ZFAT: variants seen among roughly 807,000 people sequenced by gnomAD.
The protein encoded by ZFAT is zinc finger and AT-hook domain containing.
In ZFAT, 64 loss-of-function variants were observed where a neutral mutation model predicts 117.7. The ratio of observed to expected loss-of-function variants is 0.54; its 90% CI spans 0.44 to 0.67. ZFAT has a LOEUF of 0.67. Among genes scored for constraint, ZFAT ranks in the 30% least tolerant of loss-of-function variants. The pLI is 0.00. For synonymous variants in ZFAT, 679 were observed against 615.0 expected (o/e 1.10, Z -1.54); for missense variants, 1,433 against 1,584.5 (o/e 0.90, Z 1.62).
chr8:134,741,527 C>G, the ZFAT span, among the ~76,000 whole-genome samples: 1 of 152,194 alleles, frequency 6.6e-6, no homozygotes, highest in Non-Finnish European at 1.5e-5. Flanking sequence ...GTTGGCTTTG[C>G]CAGCCTCTTC....
intron 2 of ZFAT, among the ~76,000 whole-genome samples, chr8:134,638,074 T>C (rs537347553): frequency 3.1e-4 from 47 of 152,286 alleles, no homozygotes; most frequent in African/African-American, 1.1e-3. Context: ...TCTCAGAAAC[T>C]GCTTAGGGAC....
the ZFAT span, among the ~76,000 whole-genome samples, chr8:134,746,667 T>C: frequency 1.3e-5 from 2 of 152,200 alleles, no homozygotes; most frequent in Non-Finnish European, 2.9e-5. Flanking sequence ...TCCAATGCAG[T>C]GTCTTAGTTC....
intron 1 of ZFAT, 104 bp downstream of exon 1, chr8:134,712,741 C>CGGCCGGT: frequency 8.5e-7 from 1 of 1,170,494 alleles, no homozygotes. Flanking sequence ...CGGCGGCCGG[C>CGGCCGGT]GGCCGGCGCA....
At chr8:134,813,603 C>T in the ZFAT span, among the ~76,000 whole-genome samples, 426 of 152,164 alleles carry the variant, frequency 2.8e-3, no homozygotes, top group African/African-American at 9.6e-3. Flanking sequence ...TTAGTAGAGA[C>T]GGGGTTTCAC....
chr8:134,813,386 A>C, the ZFAT span, among the ~76,000 whole-genome samples: 7 of 152,252 alleles, frequency 4.6e-5, no homozygotes, highest in East Asian at 1.3e-3. Context: ...CAGATCACCT[A>C]CCACATTAGA....
intron 1 of ZFAT, among the ~76,000 whole-genome samples, chr8:134,668,549 G>T (rs981658008): frequency 1.3e-5 from 2 of 152,354 alleles, no homozygotes; most frequent in South Asian, 2.1e-4. Flanking sequence ...GGTCCTGACT[G>T]CTAGAAGGAA....
chr8:134,620,843 C>T (rs1248558681), intron 3 of ZFAT, among the ~76,000 whole-genome samples: 1 of 152,166 alleles, frequency 6.6e-6, no homozygotes, highest in Non-Finnish European at 1.5e-5. Context: ...TTAACAAACA[C>T]ATCCTAATGT....
intron 13 of ZFAT, among the ~76,000 whole-genome samples, chr8:134,520,244 GC>G (rs1381868874): frequency 6.6e-6 from 1 of 152,202 alleles, no homozygotes; most frequent in Non-Finnish European, 1.5e-5. Context: ...CAGCTAAACA[GC>G]CTGTAGGGCA....
the ZFAT span, among the ~76,000 whole-genome samples, chr8:134,789,109 T>C: frequency 6.6e-6 from 1 of 152,336 alleles, no homozygotes; most frequent in East Asian, 1.9e-4. Context: ...CCCTTTTCTA[T>C]TCTTGCCTTC....
At chr8:134,534,775 A>AGAGAG (rs1821706312) in intron 11 of ZFAT, among the ~76,000 whole-genome samples, 27 of 136,436 alleles carry the variant, frequency 2.0e-4, no homozygotes, top group African/African-American at 5.7e-4. Flanking sequence ...GAGAGGGAGA[A>AGAGAG]AGAGAGAGAG....
At chr8:134,737,310 AAAAAT>A in the ZFAT span, among the ~76,000 whole-genome samples, 3 of 122,754 alleles carry the variant, frequency 2.4e-5, no homozygotes, top group African/African-American at 9.6e-5. Context: ...ATAAAAATAA[AAAAAT>A]AAAAATGTAG....
chr8:134,491,166 T>A (rs1356096151), intron 15 of ZFAT, among the ~76,000 whole-genome samples: 2 of 152,254 alleles, frequency 1.3e-5, no homozygotes, highest in Non-Finnish European at 2.9e-5. Flanking sequence ...CTGTTTCACA[T>A]GTAAACACAG....
At chr8:134,600,124 T>TAA (rs1586787705) in intron 7 of ZFAT, 2 of 408,098 alleles carry the variant, frequency 4.9e-6, no homozygotes, top group East Asian at 1.1e-4. Flanking sequence ...AATTATTCTT[T>TAA]AAAATGTCAT....
intron 1 of ZFAT, among the ~76,000 whole-genome samples, chr8:134,696,774 C>T (rs1443431709): frequency 2.0e-5 from 3 of 152,224 alleles, no homozygotes; most frequent in African/African-American, 7.2e-5. Flanking sequence ...CAGCAGGGGT[C>T]CCTCCTAGGT....
At chr8:134,560,703 A>G (rs1334114119) in intron 11 of ZFAT, among the ~76,000 whole-genome samples, 1 of 152,236 alleles carries the variant, frequency 6.6e-6, no homozygotes, top group African/African-American at 2.4e-5. Context: ...GAATAGCTAG[A>G]TGGAAGGATT....
intron 11 of ZFAT, chr8:134,565,055 C>T: frequency 7.1e-7 from 1 of 1,410,208 alleles, no homozygotes; most frequent in Non-Finnish European, 9.4e-7. Flanking sequence ...CTCTAAATCA[C>T]TCCAGTGCTT....
At chr8:134,677,863 T>C (rs1314983260) in intron 1 of ZFAT, among the ~76,000 whole-genome samples, 1 of 152,166 alleles carries the variant, frequency 6.6e-6, no homozygotes, top group Non-Finnish European at 1.5e-5. Flanking sequence ...ATTATCTCAA[T>C]AGACGCTGAA....
At chr8:134,788,079 T>C in the ZFAT span, among the ~76,000 whole-genome samples, 1 of 152,202 alleles carries the variant, frequency 6.6e-6, no homozygotes, top group Admixed American at 6.5e-5. Flanking sequence ...ATCTCAAATA[T>C]GTTAAACAGT....
At chr8:134,530,658 G>A (rs921318810) in intron 12 of ZFAT, among the ~76,000 whole-genome samples, 1 of 152,020 alleles carries the variant, frequency 6.6e-6, no homozygotes, top group East Asian at 1.9e-4. Context: ...ACGTACATAT[G>A]CATATGCAAA....
Sources: gnomAD v4.1 joint callset for allele counts (sites outside exome capture counted in the v4.1 genomes callset) on GRCh38, gnomAD v4.1.1 for gene constraint, MANE v1.5 for transcripts, NCBI Gene and HGNC (gene_info 2026-07-23, HGNC 2026-07-21) for gene names.